GLDC: variants seen among roughly 807,000 people sequenced by gnomAD.
GLDC encodes glycine decarboxylase, also known as glycine dehydrogenase (decarboxylating), mitochondrial.
A neutral mutation model predicts 121.3 loss-of-function variants in GLDC; 104 were observed. That is an observed-to-expected ratio of 0.86 (90% CI 0.73 to 1.01). The LOEUF (loss-of-function observed/expected upper bound fraction) is 1.01, where lower values mean the gene tolerates loss of function less well. Ranked by LOEUF, GLDC falls within the 50% of genes least tolerant of loss-of-function variation. GLDC has a pLI of 0.00. For missense variants in GLDC, 1,429 were observed against 1,306.6 expected (o/e 1.09, Z -1.44); for synonymous variants, 546 against 480.6 (o/e 1.14, Z -1.78).
chr9:6,613,357 A>T (rs1234626635), intron 3 of GLDC, among the ~76,000 whole-genome samples: 1 of 152,076 alleles, frequency 6.6e-6, no homozygotes, highest in Admixed American at 6.6e-5. Flanking sequence ...CCAGGCGTGG[A>T]GGCTCACATC....
At chr9:6,612,834 C>A (rs1485882086) in intron 3 of GLDC, among the ~76,000 whole-genome samples, 1 of 152,114 alleles carries the variant, frequency 6.6e-6, no homozygotes, top group Admixed American at 6.6e-5. Context: ...TGCACTCCAG[C>A]CTGGGTGACA....
Position 6,587,149 on chromosome 9 carries a change from C to G in GLDC, c.1842G>C (p.Gln614His). Residue 614 changes from glutamine (Q) to histidine (H), a missense_variant, in exon 15 of 25, where the codon CAG (glutamine) becomes CAC (histidine). Transcript: ENST00000321612. ...ELTGYDQVCF[Q>H]PNSGAQGEYA... The stretch of plus-strand genomic sequence containing the variant: ...AAAAGAAATGCCCTTACCTGTTTGG[C>G]TGGAAACAGACCTGGTCATAACCTG... 6.2e-7 allele frequency: 1 copy of G among 1,613,170 alleles called. No homozygotes were observed. The highest frequency in any genetic ancestry group is 8.5e-7 in the Non-Finnish European group (1 of 1,179,574).
At chr9:6,550,705 T>C (rs1471789860) in intron 21 of GLDC, 98 bp downstream of exon 21, 3 of 788,540 alleles carry the variant, frequency 3.8e-6, no homozygotes, top group African/African-American at 1.7e-5. Flanking sequence ...TGCTAAGAAA[T>C]AGAAGTCTCT....
intron 8 of GLDC, among the ~76,000 whole-genome samples, chr9:6,600,540 G>A (rs1483306068): frequency 5.3e-5 from 8 of 152,036 alleles, no homozygotes; most frequent in Non-Finnish European, 7.4e-5. Flanking sequence ...TCTGGGTGTG[G>A]TGGCCTGTAA....
chr9:6,645,685 G>T lies in GLDC; in HGVS notation c.-186C>A. On this transcript the variant is annotated 5_prime_UTR_variant, in exon 1 of 25. Coordinates refer to ENST00000321612, the MANE Select transcript of GLDC (RefSeq NM_000170.3). Reference sequence around the variant, plus strand: ...GGCGCTGCGCTCAACCAAGACACTCGCGCAAAGTTGTGGCTCCACCCAAGG... The same window carrying T: ...GGCGCTGCGCTCAACCAAGACACTCTCGCAAAGTTGTGGCTCCACCCAAGG... 1 of 350,296 alleles carries T rather than the reference G, an allele frequency of 2.9e-6. No individual in the cohort carries two copies. Among genetic ancestry groups the T allele is most frequent in the Non-Finnish European group, 4.7e-6 (1 of 213,872 alleles). The allele number at this position is 350,296 out of a possible 1,614,324, so 21.7% of individuals were successfully genotyped here.
intron 18 of GLDC, chr9:6,555,067 C>CCACA: frequency 2.1e-6 from 1 of 487,244 alleles, no homozygotes; most frequent in East Asian, 3.9e-5. Flanking sequence ...TCCTAATTAT[C>CCACA]CACACACCAC....
chr9:6,579,507 C>G (rs916577612), intron 15 of GLDC, among the ~76,000 whole-genome samples: 27 of 147,546 alleles, frequency 1.8e-4, no homozygotes, highest in Non-Finnish European at 3.3e-4. Flanking sequence ...GTATCCCATC[C>G]TGATTATTTA....
chr9:6,542,783 G>A (rs1183621544), intron 21 of GLDC, among the ~76,000 whole-genome samples: 1 of 150,630 alleles, frequency 6.6e-6, no homozygotes, highest in African/African-American at 2.4e-5. Context: ...CTACGTGTAA[G>A]GCTGAGGTGG....
intron 2 of GLDC, among the ~76,000 whole-genome samples, chr9:6,628,067 A>G (rs1819282570): frequency 6.6e-6 from 1 of 152,236 alleles, no homozygotes; most frequent in Admixed American, 6.5e-5. Context: ...TGAACTTCAC[A>G]GAATCCAGTG....
intron 21 of GLDC, among the ~76,000 whole-genome samples, chr9:6,544,614 G>A (rs1431909343): frequency 2.1e-5 from 3 of 140,596 alleles, no homozygotes; most frequent in African/African-American, 5.5e-5. Flanking sequence ...ACTCTAGCCT[G>A]GGTGACAGAG....
At chr9:6,541,353 G>C (rs757479842) in intron 21 of GLDC, 4 of 152,148 alleles carry the variant, frequency 2.6e-5, no homozygotes, top group Non-Finnish European at 4.4e-5. Context: ...CTACTCATGA[G>C]ATAATGATGT....
At chr9:6,565,600 C>G (rs1587931777) in intron 15 of GLDC, 171 bp from the exon 16 acceptor site, 1 of 683,462 alleles carries the variant, frequency 1.5e-6, no homozygotes, top group Non-Finnish European at 2.7e-6. Context: ...AGGTCTTGAA[C>G]AATCAAAACA....
intron 2 of GLDC, among the ~76,000 whole-genome samples, chr9:6,622,377 G>C (rs1034769803): frequency 2.2e-5 from 3 of 139,534 alleles, no homozygotes; most frequent in Admixed American, 7.0e-5. Context: ...GAGTGCCTGC[G>C]ATTGCAGGCA....
Position 6,645,440 on chromosome 9 carries a change from GCGGCCGCCCCCGACCCC to G in GLDC, c.43_59del (p.Gly15ProfsTer68), listed in dbSNP as rs1819726448. 1 of 1,273,180 alleles carries G rather than the reference GCGGCCGCCCCCGACCCC, an allele frequency of 7.9e-7. No homozygotes were observed. Among genetic ancestry groups the G allele is most frequent in the African/African-American group, 1.6e-5 (1 of 64,078 alleles). 78.9% of individuals were successfully genotyped at this position (1,273,180 alleles called of 1,614,324 possible). On this transcript the variant is annotated frameshift_variant, in exon 1 of 25. Coordinates refer to ENST00000321612, the MANE Select transcript of GLDC (RefSeq NM_000170.3). LOFTEE classifies it high-confidence loss of function. ...ACGGCCCCGATCCCCCAGCCAGGCG[GCGGCCGCCCCCGACCCC>G]GCGGCCCAGGCGCAGCCCCCACGCC...
At chr9:6,546,011 AC>A (rs1374573445) in intron 21 of GLDC, among the ~76,000 whole-genome samples, 2 of 152,152 alleles carry the variant, frequency 1.3e-5, no homozygotes, top group Non-Finnish European at 2.9e-5. Context: ...AACACTTTAA[AC>A]ACAAATACAT....
chr9:6,619,510 C>G (rs1350475384), intron 3 of GLDC, among the ~76,000 whole-genome samples: 2 of 151,780 alleles, frequency 1.3e-5, no homozygotes, highest in African/African-American at 4.8e-5. Context: ...GGCGGATCAC[C>G]TGAGGTCAGG....
intron 15 of GLDC, among the ~76,000 whole-genome samples, chr9:6,575,585 A>G (rs1026198191): frequency 1.3e-5 from 2 of 152,230 alleles, no homozygotes; most frequent in Non-Finnish European, 2.9e-5. Context: ...CCACAATTTA[A>G]GAATCTTCCC....
intron 15 of GLDC, among the ~76,000 whole-genome samples, chr9:6,569,812 C>A (rs1487644001): frequency 1.3e-5 from 2 of 152,058 alleles, no homozygotes; most frequent in Non-Finnish European, 2.9e-5. Flanking sequence ...CCTGTCTCTA[C>A]TAAAAATACA....
intron 15 of GLDC, among the ~76,000 whole-genome samples, chr9:6,582,092 G>A (rs1818180829): frequency 6.6e-6 from 1 of 151,388 alleles, no homozygotes; most frequent in Admixed American, 6.6e-5. Context: ...GCGGGCACCT[G>A]TAATCCCAGC....
Sources: allele counts gnomAD v4.1 joint callset (sites outside exome capture counted in the v4.1 genomes callset), GRCh38; gene constraint gnomAD v4.1.1; transcripts MANE v1.5; gene names NCBI Gene and HGNC (gene_info 2026-07-23, HGNC 2026-07-21).